The following ZNF385D variants were observed in gnomAD, a reference collection of about 807,000 sequenced individuals.
ZNF385D encodes zinc finger protein 385D, also known as zinc finger protein 659.
ZNF385D carries 15 observed loss-of-function variants against 35.8 expected under a neutral mutation model. The observed-to-expected ratio is 0.42, with a 90% confidence interval of 0.28 to 0.64. The LOEUF is 0.64. Among genes scored for constraint, ZNF385D ranks in the 30% least tolerant of loss-of-function variants. ZNF385D has a pLI of 0.23. For missense variants in ZNF385D, 474 were observed against 494.6 expected, an observed-to-expected ratio of 0.96 and a Z score of 0.39; for synonymous variants, 212 against 186.8, an observed-to-expected ratio of 1.13 and a Z score of -1.10.
intron 3 of ZNF385D, among the ~76,000 whole-genome samples, chr3:21,960,796 G>A (rs926383678): frequency 6.6e-6 from 1 of 152,040 alleles, no homozygotes; most frequent in Non-Finnish European, 1.5e-5. Flanking sequence ...GCATCCTGAA[G>A]GATATCATAT....
intron 3 of ZNF385D, among the ~76,000 whole-genome samples, chr3:21,792,074 C>T (rs150731623): frequency 2.0e-5 from 3 of 152,148 alleles, no homozygotes; most frequent in Non-Finnish European, 4.4e-5. Flanking sequence ...CTGCAAAAGA[C>T]ATTTGAGAAT....
At chr3:21,823,332 A>G (rs1373156514) in intron 3 of ZNF385D, among the ~76,000 whole-genome samples, 5 of 152,094 alleles carry the variant, frequency 3.3e-5, no homozygotes, top group African/African-American at 4.8e-5. Context: ...TCACTATGAT[A>G]ATTATTTGGG....
intron 3 of ZNF385D, among the ~76,000 whole-genome samples, chr3:22,118,153 TTTAC>T (rs1239096228): frequency 6.6e-6 from 1 of 152,124 alleles, no homozygotes; most frequent in Non-Finnish European, 1.5e-5. Flanking sequence ...TGAAGCGTAC[TTTAC>T]TTATAGAATT....
intron 2 of ZNF385D, among the ~76,000 whole-genome samples, chr3:22,253,111 C>T (rs930122354): frequency 1.3e-5 from 2 of 151,962 alleles, no homozygotes; most frequent in Admixed American, 6.6e-5. Flanking sequence ...TGGTCTCCCA[C>T]ACTGAGGGAA....
intron 3 of ZNF385D, among the ~76,000 whole-genome samples, chr3:21,797,287 G>C (rs893242509): frequency 1.3e-5 from 2 of 152,122 alleles, no homozygotes; most frequent in African/African-American, 4.8e-5. Context: ...TTGTGAGATG[G>C]ATGTCACTAC....
intron 3 of ZNF385D, among the ~76,000 whole-genome samples, chr3:22,121,698 C>A (rs6775657): frequency 0.66 from 98,486 of 150,256 alleles, 32,709 homozygotes; most frequent in African/African-American, 0.77. Flanking sequence ...TAAATAATGA[C>A]AAGTGAGAAT....
chr3:21,861,072 A>C (rs1014139421), intron 3 of ZNF385D, among the ~76,000 whole-genome samples: 1 of 152,174 alleles, frequency 6.6e-6, no homozygotes, highest in Non-Finnish European at 1.5e-5. Flanking sequence ...TTTAAGCGTT[A>C]TCCACTCAAG....
At position 21,416,273 on chromosome 3, in the gene ZNF385D, A is replaced by G. The variant is rs1475565476; in HGVS notation, c.*4941T>C. On this transcript the variant is annotated 3_prime_UTR_variant, in exon 8 of 8. Transcript: ENST00000281523. ...TCTCGATCTCCTGACCTCATGATCCACCCGCCTCGGCCTCCCAAAGTGCTG... is the reference window on the plus strand; with the variant it reads ...TCTCGATCTCCTGACCTCATGATCCGCCCGCCTCGGCCTCCCAAAGTGCTG... 6.0e-4 allele frequency: 4 copies of G among 6,636 alleles called. 2 individuals carry two copies. The highest frequency in any genetic ancestry group is 1.2e-3 in the Non-Finnish European group (4 of 3,260). The allele number at this position is 6,636 out of a possible 1,614,324, so 0.4% of individuals were successfully genotyped here. A position where few individuals can be genotyped will look rare whatever the true frequency, so the allele number is the denominator to read the frequency against.
chr3:22,015,618 T>G (rs566073288), intron 3 of ZNF385D, among the ~76,000 whole-genome samples: 92 of 152,154 alleles, frequency 6.0e-4, no homozygotes, highest in Non-Finnish European at 1.0e-3. Flanking sequence ...TTCTCATGTG[T>G]GAGTGAACAC....
chr3:22,129,156 G>C (rs112306020), intron 3 of ZNF385D, among the ~76,000 whole-genome samples: 1 of 152,234 alleles, frequency 6.6e-6, no homozygotes, highest in African/African-American at 2.4e-5. Flanking sequence ...AGAGTCTCTT[G>C]TTTTCTTTCC....
At chr3:22,065,595 G>C (rs1452879491) in intron 3 of ZNF385D, among the ~76,000 whole-genome samples, 1 of 152,126 alleles carries the variant, frequency 6.6e-6, no homozygotes, top group East Asian at 1.9e-4. Context: ...ATGGTGAAAA[G>C]ATCAATTTGT....
chr3:22,104,865 G>A (rs568306439), intron 3 of ZNF385D, among the ~76,000 whole-genome samples: 1 of 152,248 alleles, frequency 6.6e-6, no homozygotes, highest in East Asian at 1.9e-4. Context: ...ACTAAAAGCA[G>A]ATTTTCTCCA....
chr3:21,863,894 A>T (rs1697190872), intron 3 of ZNF385D, among the ~76,000 whole-genome samples: 1 of 152,146 alleles, frequency 6.6e-6, no homozygotes, highest in Non-Finnish European at 1.5e-5. Context: ...TCAAACATTA[A>T]TGCGCACATG....
chr3:22,091,474 A>G (rs966138994), intron 3 of ZNF385D, among the ~76,000 whole-genome samples: 2 of 152,206 alleles, frequency 1.3e-5, no homozygotes, highest in Admixed American at 6.5e-5. Flanking sequence ...AGGGATGACT[A>G]GTAATCAGAA....
At chr3:22,280,663 G>A (rs1701690921) in intron 2 of ZNF385D, among the ~76,000 whole-genome samples, 1 of 151,950 alleles carries the variant, frequency 6.6e-6, no homozygotes, top group Non-Finnish European at 1.5e-5. Context: ...CTGTTTTGGT[G>A]ACTATAGTCT....
intron 3 of ZNF385D, among the ~76,000 whole-genome samples, chr3:22,162,073 C>G (rs1303483939): frequency 3.9e-5 from 6 of 152,242 alleles, no homozygotes; most frequent in Admixed American, 3.9e-4. Flanking sequence ...ACAGTTGATG[C>G]TAGTTCCCTT....
chr3:21,703,534 A>G (rs1205573604), intron 1 of ZNF385D, among the ~76,000 whole-genome samples: 1 of 152,024 alleles, frequency 6.6e-6, no homozygotes, highest in Non-Finnish European at 1.5e-5. Flanking sequence ...TAACCCCTCT[A>G]TTAAAATGTT....
chr3:22,151,509 T>C (rs1326478073), intron 3 of ZNF385D, among the ~76,000 whole-genome samples: 1 of 152,098 alleles, frequency 6.6e-6, no homozygotes, highest in Non-Finnish European at 1.5e-5. Context: ...CAATTTAAAT[T>C]TCAATGCATG....
intron 3 of ZNF385D, among the ~76,000 whole-genome samples, chr3:22,138,636 C>T (rs912147846): frequency 6.6e-6 from 1 of 151,888 alleles, no homozygotes; most frequent in African/African-American, 2.4e-5. Flanking sequence ...GAAACTGGAT[C>T]CCTTCCTTAC....
Sources: allele counts gnomAD v4.1 joint callset (sites outside exome capture counted in the v4.1 genomes callset), GRCh38; gene constraint gnomAD v4.1.1; transcripts MANE v1.5; gene names NCBI Gene and HGNC (gene_info 2026-07-23, HGNC 2026-07-21).